CELF2: variants seen among roughly 807,000 people sequenced by gnomAD.
CELF2 encodes CUG triplet repeat RNA-binding protein 2.
Under a neutral mutation model 62.6 loss-of-function variants are expected in CELF2, and 8 were observed. That is an observed-to-expected ratio of 0.13 (90% confidence interval 0.07 to 0.23). The LOEUF (loss-of-function observed/expected upper bound fraction) is 0.23, where lower values mean the gene tolerates loss of function less well. Among genes scored for constraint, CELF2 ranks in the 10% least tolerant of loss-of-function variants. CELF2 has a pLI of 1.00. For missense variants in CELF2, 333 were observed against 671.0 expected, an observed-to-expected ratio of 0.50 and a Z score of 5.56; for synonymous variants, 258 against 250.0, an observed-to-expected ratio of 1.03 and a Z score of -0.30.
rs1048919471 is a variant in CELF2 at position 11,104,250 on chromosome 10, T to A, written c.75-61236T>A. ...TTATTTACTTGCATTTTTTATGTCCTAGAATCTATTATAATCCTCTATCAG... is the reference window on the plus strand; with the variant it reads ...TTATTTACTTGCATTTTTTATGTCCAAGAATCTATTATAATCCTCTATCAG... On this transcript the variant is annotated intron_variant, in intron 1 of 12. Coordinates refer to ENST00000633077, the MANE Select transcript of CELF2 (RefSeq NM_001326342.2). 3.9e-5 allele frequency among the ~76,000 whole-genome samples: 6 copies of A among 152,260 alleles called. No homozygotes were observed. In the East Asian group the frequency reaches 1.2e-3, roughly 29 times the overall value.
At chr10:11,279,876 C>A (rs998208509) in intron 8 of CELF2, among the ~76,000 whole-genome samples, 1 of 152,136 alleles carries the variant, frequency 6.6e-6, no homozygotes, top group Non-Finnish European at 1.5e-5. Context: ...ACTTTCTTTG[C>A]CATCTTCTTA....
At chr10:10,782,503 C>T in the CELF2 span, among the ~76,000 whole-genome samples, 2 of 152,276 alleles carry the variant, frequency 1.3e-5, no homozygotes, top group African/African-American at 4.8e-5. Flanking sequence ...TTCACTGATT[C>T]AAATGCTAAG....
intron 1 of CELF2, among the ~76,000 whole-genome samples, chr10:10,825,121 T>A (rs991144889): frequency 7.2e-5 from 11 of 152,206 alleles, no homozygotes; most frequent in African/African-American, 2.7e-4. Context: ...TATGGTAGGA[T>A]CCTGAGCTCC....
At chr10:10,743,133 T>TC in the CELF2 span, among the ~76,000 whole-genome samples, 1 of 152,176 alleles carries the variant, frequency 6.6e-6, no homozygotes, top group African/African-American at 2.4e-5. Flanking sequence ...CAGAGTTATT[T>TC]CCCCACTGCA....
chr10:10,839,297 C>T (rs899853961), intron 1 of CELF2, among the ~76,000 whole-genome samples: 1 of 152,172 alleles, frequency 6.6e-6, no homozygotes, highest in Non-Finnish European at 1.5e-5. Context: ...CTAAATATCT[C>T]TACATGTAAC....
chr10:10,914,143 A>T (rs1338941935), intron 1 of CELF2, among the ~76,000 whole-genome samples: 1 of 147,592 alleles, frequency 6.8e-6, no homozygotes, highest in Admixed American at 6.8e-5. Context: ...AAAAAAAAAA[A>T]TGTTCTCTGT....
In CELF2 at chr10:11,314,030, G is replaced by A. The variant is rs11257056; in HGVS notation, c.977-109G>A. On this transcript the variant is annotated intron_variant, in intron 9 of 12. Coordinates refer to ENST00000633077, the MANE Select transcript of CELF2 (RefSeq NM_001326342.2). This position sits in a 1 kb window ranked among gnomAD's most constrained non-coding sequence, Gnocchi z 5.3. ...ACATGTCCTTCACCCAAAGCCACAAGCACAGCTCCTCAGCTCCGTCCACTG... is the reference window on the plus strand; with the variant it reads ...ACATGTCCTTCACCCAAAGCCACAAACACAGCTCCTCAGCTCCGTCCACTG... The A allele has an allele frequency of 0.11, 130,431 of 1,156,436 alleles. 9,963 individuals carry two copies. The highest frequency in any genetic ancestry group is 0.34 in the East Asian group (14,406 of 42,272). 71.6% of individuals were successfully genotyped at this position (1,156,436 alleles called of 1,614,324 possible). A position where few individuals can be genotyped will look rare whatever the true frequency, so the allele number is the denominator to read the frequency against.
chr10:10,724,673 A>AAAAAAAG, the CELF2 span, among the ~76,000 whole-genome samples: 6 of 150,318 alleles, frequency 4.0e-5, no homozygotes, highest in African/African-American at 1.2e-4. Context: ...AAAAAAAAGA[A>AAAAAAAG]AAAAGAAAAG....
intron 2 of CELF2, among the ~76,000 whole-genome samples, chr10:11,194,217 C>T (rs367734944): frequency 2.8e-4 from 42 of 152,176 alleles, no homozygotes; most frequent in African/African-American, 1.0e-3. Context: ...AGGCACACGC[C>T]ACCACACCCA....
intron 2 of CELF2, among the ~76,000 whole-genome samples, chr10:11,206,048 T>TG (rs1426875355): frequency 6.6e-6 from 1 of 152,256 alleles, no homozygotes; most frequent in African/African-American, 2.4e-5. Context: ...TGTTCTGCTT[T>TG]GGATTGCAAA....
At chr10:10,863,284 A>G (rs1014686316) in intron 1 of CELF2, among the ~76,000 whole-genome samples, 5 of 152,254 alleles carry the variant, frequency 3.3e-5, no homozygotes, top group African/African-American at 1.2e-4. Context: ...GGAAGGTATC[A>G]TTAAAATTAT....
chr10:10,847,813 T>C (rs893816444), intron 1 of CELF2, among the ~76,000 whole-genome samples: 5 of 152,194 alleles, frequency 3.3e-5, no homozygotes, highest in Admixed American at 2.0e-4. Flanking sequence ...TTAAGCTCCC[T>C]GGAGATTCTA....
At chr10:10,641,700 C>T in the CELF2 span, among the ~76,000 whole-genome samples, 6 of 152,138 alleles carry the variant, frequency 3.9e-5, no homozygotes, top group African/African-American at 9.7e-5. Context: ...CTGCCCGCCT[C>T]GGCCTCCCAA....
At chr10:11,303,728 TG>T (rs2093972761) in intron 9 of CELF2, among the ~76,000 whole-genome samples, 1 of 152,246 alleles carries the variant, frequency 6.6e-6, no homozygotes, top group Admixed American at 6.5e-5. Context: ...GCAAGTTTAC[TG>T]CTTCCATAAG....
the CELF2 span, among the ~76,000 whole-genome samples, chr10:10,761,043 C>T: frequency 6.6e-6 from 1 of 152,142 alleles, no homozygotes; most frequent in East Asian, 1.9e-4. Context: ...ATGGTATTGT[C>T]CCATAGACTT....
chr10:10,755,514 C>T, the CELF2 span, among the ~76,000 whole-genome samples: 1 of 152,190 alleles, frequency 6.6e-6, no homozygotes, highest in Non-Finnish European at 1.5e-5. Flanking sequence ...GCTCTGCTCT[C>T]CTGCGTCTGC....
At chr10:10,854,191 A>G (rs1195843785) in intron 1 of CELF2, among the ~76,000 whole-genome samples, 5 of 152,198 alleles carry the variant, frequency 3.3e-5, no homozygotes, top group African/African-American at 1.2e-4. Flanking sequence ...TCAACATGCG[A>G]ATCGAACCTG....
At chr10:10,617,980 T>C in the CELF2 span, among the ~76,000 whole-genome samples, 1 of 152,114 alleles carries the variant, frequency 6.6e-6, no homozygotes, top group African/African-American at 2.4e-5. Flanking sequence ...TTCCCTTCCC[T>C]CATTCCTTCC....
chr10:10,835,562 T>A (rs539857397), intron 1 of CELF2, among the ~76,000 whole-genome samples: 16 of 152,118 alleles, frequency 1.1e-4, no homozygotes, highest in African/African-American at 3.6e-4. Context: ...TTTGTATTTT[T>A]AGCAGATATG....
Sources: allele counts gnomAD v4.1 joint callset (sites outside exome capture counted in the v4.1 genomes callset), GRCh38; gene constraint gnomAD v4.1.1; non-coding constraint Gnocchi (gnomAD v3.1); transcripts MANE v1.5; gene names NCBI Gene and HGNC (gene_info 2026-07-23, HGNC 2026-07-21).